Variants in OPCML observed in about 807,000 individuals in gnomAD.
OPCML encodes the protein opioid binding protein/cell adhesion molecule like, also known as opioid-binding protein/cell adhesion molecule.
In OPCML, 13 loss-of-function variants were observed where a neutral mutation model predicts 37.8. That is an observed-to-expected ratio of 0.34 (90% CI 0.22 to 0.55). OPCML has a LOEUF of 0.55. Among genes scored for constraint, OPCML ranks in the 20% least tolerant of loss-of-function variants. OPCML has a pLI of 0.91. For synonymous variants in OPCML, 176 were observed against 168.8 expected (o/e 1.04, Z -0.33); for missense variants, 341 against 435.6 (o/e 0.78, Z 1.93).
Position 132,675,713 on chromosome 11 carries a change from T to C in OPCML, c.147-18394A>G, listed in dbSNP as rs115754285. Among the ~76,000 whole-genome samples, 1,379 of 152,286 alleles carry C rather than the reference T, an allele frequency of 9.1e-3. 23 individuals carry two copies. The highest frequency in any genetic ancestry group is 0.031 in the African/African-American group (1,309 of 41,572). ...TACAATACAATCAAAATGAATAAAATATTTTAAACTACTTTTTACAAAAGA... is the reference window on the plus strand; with the variant it reads ...TACAATACAATCAAAATGAATAAAACATTTTAAACTACTTTTTACAAAAGA... On this transcript the variant is annotated intron_variant, in intron 2 of 7. Coordinates refer to ENST00000524381, the MANE Select transcript of OPCML (RefSeq NM_001012393.5).
At chr11:133,187,490 T>A (rs1374184503) in intron 1 of OPCML, among the ~76,000 whole-genome samples, 1 of 152,154 alleles carries the variant, frequency 6.6e-6, no homozygotes, top group Admixed American at 6.5e-5. Flanking sequence ...TGGATACCTA[T>A]TCAGTTGCTT....
chr11:132,530,713 T>C (rs1460281755), intron 3 of OPCML, among the ~76,000 whole-genome samples: 2 of 151,974 alleles, frequency 1.3e-5, no homozygotes, highest in African/African-American at 4.8e-5. Context: ...CCCTTCTGCA[T>C]GACCTGAGCT....
intron 1 of OPCML, among the ~76,000 whole-genome samples, chr11:132,995,400 TG>T (rs1389618239): frequency 6.6e-6 from 1 of 152,146 alleles, no homozygotes; most frequent in African/African-American, 2.4e-5. Context: ...TGTGGAAAGT[TG>T]GAATTGGAAT....
chr11:133,458,735 A>C (rs1417171909), intron 1 of OPCML, among the ~76,000 whole-genome samples: 2 of 137,956 alleles, frequency 1.4e-5, no homozygotes, highest in South Asian at 4.4e-4. Context: ...ATACACATAG[A>C]TGCACGTGTG....
At position 132,536,388 on chromosome 11, in the gene OPCML, T is replaced by C. The variant is rs544473638; in HGVS notation, c.380-7202A>G. ...TTCCTACTATTTTCTGTGTGATTTTTGTACACAAGCCATTAAGTTTCAGCT... is the reference window on the plus strand; with the variant it reads ...TTCCTACTATTTTCTGTGTGATTTTCGTACACAAGCCATTAAGTTTCAGCT... On this transcript the variant is annotated intron_variant, in intron 3 of 7. Coordinates refer to ENST00000524381, the MANE Select transcript of OPCML (RefSeq NM_001012393.5). 7.9e-5 allele frequency among the ~76,000 whole-genome samples: 12 copies of C among 152,342 alleles called. No individual in the cohort carries two copies. In the South Asian group the frequency reaches 2.5e-3, roughly 32 times the overall value.
At chr11:132,521,725 G>C (rs2096294317) in intron 4 of OPCML, among the ~76,000 whole-genome samples, 1 of 151,982 alleles carries the variant, frequency 6.6e-6, no homozygotes, top group Non-Finnish European at 1.5e-5. Context: ...GTATACCTAT[G>C]TAACAAACCT....
At chr11:133,232,347 G>GTAA (rs1940317181) in intron 1 of OPCML, among the ~76,000 whole-genome samples, 1 of 152,222 alleles carries the variant, frequency 6.6e-6, no homozygotes, top group South Asian at 2.1e-4. Context: ...ATTACTCTGA[G>GTAA]TTTCTCAAAG....
At chr11:132,716,871 G>A (rs1038543277) in intron 2 of OPCML, among the ~76,000 whole-genome samples, 6 of 152,058 alleles carry the variant, frequency 3.9e-5, no homozygotes, top group African/African-American at 1.4e-4. Flanking sequence ...TAAGAGAGAA[G>A]AAGAGTTCTT....
chr11:132,877,173 G>C (rs1943052050), intron 2 of OPCML, among the ~76,000 whole-genome samples: 1 of 152,146 alleles, frequency 6.6e-6, no homozygotes, highest in African/African-American at 2.4e-5. Context: ...TGCAGAGATG[G>C]ATGTGCAAAA....
intron 1 of OPCML, among the ~76,000 whole-genome samples, chr11:133,278,427 T>C (rs1385270762): frequency 6.6e-6 from 1 of 152,178 alleles, no homozygotes; most frequent in African/African-American, 2.4e-5. Context: ...GTAATATCAA[T>C]GAAAGGATAA....
At chr11:133,477,881 G>T (rs1331813370) in intron 1 of OPCML, among the ~76,000 whole-genome samples, 1 of 152,176 alleles carries the variant, frequency 6.6e-6, no homozygotes, top group African/African-American at 2.4e-5. Context: ...GGTAACCAAA[G>T]ACGAGATTTT....
At chr11:133,417,212 G>A (rs57110167) in intron 1 of OPCML, among the ~76,000 whole-genome samples, 16,615 of 152,144 alleles carry the variant, frequency 0.11, 1,019 homozygotes, top group African/African-American at 0.13. Context: ...TAATTGAGCC[G>A]TAGGAGGGGG....
intron 2 of OPCML, chr11:132,771,559 G>A (rs550866999): frequency 2.6e-5 from 4 of 152,256 alleles, no homozygotes; most frequent in South Asian, 2.1e-4. Flanking sequence ...GAGCCCCCAC[G>A]AGGCTCCCAC....
chr11:133,141,066 A>C (rs1457066812), intron 1 of OPCML, among the ~76,000 whole-genome samples: 11 of 99,696 alleles, frequency 1.1e-4, no homozygotes, highest in Non-Finnish European at 1.6e-4. Flanking sequence ...AAGAAGAAGA[A>C]GAAGAAGAAG....
chr11:132,961,912 G>A (rs1192116681), intron 1 of OPCML, among the ~76,000 whole-genome samples: 3 of 152,192 alleles, frequency 2.0e-5, no homozygotes, highest in Non-Finnish European at 4.4e-5. Context: ...CCTTCCCTGG[G>A]CAGTCTTCCA....
chr11:133,423,821 G>A (rs1294820452), intron 1 of OPCML, among the ~76,000 whole-genome samples: 1 of 152,134 alleles, frequency 6.6e-6, no homozygotes, highest in African/African-American at 2.4e-5. Flanking sequence ...GTGGTAATGA[G>A]TTCATGAGAG....
chr11:132,843,092 C>CTTTTTTTT (rs56036372), intron 2 of OPCML, among the ~76,000 whole-genome samples: 2 of 123,334 alleles, frequency 1.6e-5, no homozygotes, highest in African/African-American at 3.1e-5. Flanking sequence ...CTTTTTCTTT[C>CTTTTTTTT]TTTTTTTTTT....
At chr11:132,547,688 G>T (rs78657737) in intron 3 of OPCML, among the ~76,000 whole-genome samples, 1 of 152,128 alleles carries the variant, frequency 6.6e-6, no homozygotes, top group East Asian at 1.9e-4. Flanking sequence ...CCTTAAATTA[G>T]GTATCTCCTA....
intron 1 of OPCML, among the ~76,000 whole-genome samples, chr11:133,164,592 T>C (rs963619296): frequency 5.3e-5 from 8 of 152,224 alleles, no homozygotes; most frequent in Non-Finnish European, 2.9e-5. Flanking sequence ...ACGAGGACAA[T>C]TCCTTCCTTG....
Sources: gnomAD v4.1 joint callset for allele counts (sites outside exome capture counted in the v4.1 genomes callset) on GRCh38, gnomAD v4.1.1 for gene constraint, MANE v1.5 for transcripts, NCBI Gene and HGNC (gene_info 2026-07-23, HGNC 2026-07-21) for gene names.